The following IL15 variants were observed in gnomAD, a reference collection of about 807,000 sequenced individuals.
The protein encoded by IL15 is interleukin 15, also known as interleukin-15.
Under a neutral mutation model 19.6 loss-of-function variants are expected in IL15, and 11 were observed. The observed-to-expected ratio is 0.56, with a 90% CI of 0.35 to 0.93. IL15 has a LOEUF of 0.93. Among genes scored for constraint, IL15 ranks in the 40% least tolerant of loss-of-function variants. The pLI, the probability that IL15 is intolerant of heterozygous loss-of-function variation, is 0.01. For missense variants in IL15, 197 were observed against 186.5 expected, an observed-to-expected ratio of 1.06 and a Z score of -0.33; for synonymous variants, 58 against 59.6, an observed-to-expected ratio of 0.97 and a Z score of 0.12.
intron 2 of IL15, chr4:141,718,322 A>T (rs954918301): frequency 6.4e-4 from 98 of 151,992 alleles, no homozygotes; most frequent in African/African-American, 2.3e-3. Context: ...ACTAAAAGGG[A>T]TGTAGGGAAT....
chr4:141,677,820 A>T (rs1263689022), intron 2 of IL15, among the ~76,000 whole-genome samples: 1 of 152,220 alleles, frequency 6.6e-6, no homozygotes, highest in Non-Finnish European at 1.5e-5. Context: ...GTTAAGGTTA[A>T]CTATGCCATG....
intron 1 of IL15, chr4:141,637,084 G>C (rs1156444431): frequency 6.6e-6 from 1 of 152,272 alleles, no homozygotes; most frequent in Non-Finnish European, 1.5e-5. Flanking sequence ...AAGGCGGGCC[G>C]GGCACCCCGC....
At chr4:141,688,282 T>C (rs1395346284) in intron 2 of IL15, among the ~76,000 whole-genome samples, 1 of 152,204 alleles carries the variant, frequency 6.6e-6, no homozygotes, top group Non-Finnish European at 1.5e-5. Flanking sequence ...GTATACCTTG[T>C]GTACATAAAC....
At chr4:141,713,703 C>G (rs1391397549) in intron 2 of IL15, among the ~76,000 whole-genome samples, 1 of 152,100 alleles carries the variant, frequency 6.6e-6, no homozygotes, top group Non-Finnish European at 1.5e-5. Context: ...CTGTTTTTCT[C>G]CTTTCACTCA....
chr4:141,649,451 A>G (rs909846527), intron 1 of IL15, among the ~76,000 whole-genome samples: 2 of 151,972 alleles, frequency 1.3e-5, no homozygotes, highest in African/African-American at 4.8e-5. Context: ...CTGGAGCTTG[A>G]ACTCAGGTTT....
chr4:141,639,961 G>A (rs1236052086), intron 1 of IL15, among the ~76,000 whole-genome samples: 2 of 151,924 alleles, frequency 1.3e-5, no homozygotes, highest in African/African-American at 4.8e-5. Context: ...GTCTATATGT[G>A]TGCATATATG....
intron 2 of IL15, among the ~76,000 whole-genome samples, chr4:141,678,525 C>A (rs1728426702): frequency 6.6e-6 from 1 of 151,440 alleles, no homozygotes. Flanking sequence ...TAACTAGGGA[C>A]CCCATGGATT....
At position 141,665,797 on chromosome 4, in the gene IL15, A is replaced by G. The variant is rs1040932306; in HGVS notation, c.-100+9490A>G. 2.6e-5 allele frequency among the ~76,000 whole-genome samples: 4 copies of G among 152,260 alleles called. No homozygotes were observed. In the East Asian group the frequency reaches 7.7e-4, roughly 29 times the overall value. On this transcript the variant is annotated intron_variant, in intron 2 of 7. Coordinates refer to ENST00000320650, the MANE Select transcript of IL15 (RefSeq NM_000585.5). ...CATATTGATGAGACATGGAATGATG[A>G]ATATAAGAGTTGTTGATATTATGAT...
intron 2 of IL15, among the ~76,000 whole-genome samples, chr4:141,700,138 C>T (rs1004656327): frequency 4.6e-5 from 7 of 152,064 alleles, no homozygotes; most frequent in Admixed American, 3.3e-4. Context: ...AGGCCAGTCT[C>T]GAGCTCCTGA....
chr4:141,729,804 T>C lies in IL15; in HGVS notation c.241-43T>C, dbSNP rs560767954. 476 of 1,110,222 alleles carry C rather than the reference T, an allele frequency of 4.3e-4. 2 individuals are homozygous for C. In the Middle Eastern group the frequency reaches 6.3e-3, roughly 15 times the overall value. The allele number at this position is 1,110,222 out of a possible 1,614,324, so 68.8% of individuals were successfully genotyped here. A position where few individuals can be genotyped will look rare whatever the true frequency, so the allele number is the denominator to read the frequency against. On this transcript the variant is annotated intron_variant, in intron 6 of 7. Transcript: ENST00000320650. ...AAAATTACATCAGTATGAAAATTAA[T>C]AATCAGAAAAAAGTAATTGTTCTTT... is the stretch of plus-strand genomic sequence containing the variant.
At chr4:141,640,911 T>C (rs1212397572) in intron 1 of IL15, among the ~76,000 whole-genome samples, 1 of 152,208 alleles carries the variant, frequency 6.6e-6, no homozygotes, top group Admixed American at 6.5e-5. Flanking sequence ...TGAAAATGGT[T>C]GTAGAACAGG....
intron 2 of IL15, among the ~76,000 whole-genome samples, chr4:141,694,664 G>T (rs967808666): frequency 5.5e-4 from 83 of 152,158 alleles, no homozygotes; most frequent in African/African-American, 1.9e-3. Context: ...TTGAGGCCCT[G>T]CAAATCATCA....
intron 2 of IL15, among the ~76,000 whole-genome samples, chr4:141,708,614 A>G (rs1440681536): frequency 2.0e-5 from 3 of 152,112 alleles, no homozygotes; most frequent in Non-Finnish European, 4.4e-5. Flanking sequence ...TTTACCCCAT[A>G]AGAAGAAGTC....
intron 2 of IL15, among the ~76,000 whole-genome samples, chr4:141,666,095 T>TATTTATTTATTTATTC (rs1727966782): frequency 6.7e-6 from 1 of 148,642 alleles, no homozygotes; most frequent in Non-Finnish European, 1.5e-5. Context: ...TTTATTTATT[T>TATTTATTTATTTATTC]ATTTATTTAT....
chr4:141,669,011 T>C (rs370580160), intron 2 of IL15, among the ~76,000 whole-genome samples: 3 of 152,314 alleles, frequency 2.0e-5, no homozygotes, highest in African/African-American at 7.2e-5. Flanking sequence ...ATTTGTCATC[T>C]TAATGGCAAT....
At chr4:141,701,187 T>C (rs1423352754) in intron 2 of IL15, among the ~76,000 whole-genome samples, 1 of 152,148 alleles carries the variant, frequency 6.6e-6, no homozygotes, top group Non-Finnish European at 1.5e-5. Flanking sequence ...TATAGAACCT[T>C]GTTTTGTCAT....
chr4:141,662,647 G>T (rs1183803558), intron 2 of IL15, among the ~76,000 whole-genome samples: 2 of 152,056 alleles, frequency 1.3e-5, no homozygotes, highest in African/African-American at 2.4e-5. Flanking sequence ...GTCTTTTACG[G>T]AGTATTTAGT....
chr4:141,704,352 T>A (rs1263527599), intron 2 of IL15, among the ~76,000 whole-genome samples: 3 of 152,178 alleles, frequency 2.0e-5, no homozygotes, highest in African/African-American at 7.2e-5. Context: ...ATTGATTAGC[T>A]TGTTATACCA....
chr4:141,642,271 A>G (rs1253524346), intron 1 of IL15, among the ~76,000 whole-genome samples: 1 of 152,174 alleles, frequency 6.6e-6, no homozygotes, highest in Non-Finnish European at 1.5e-5. Context: ...AGAACTTGCC[A>G]GAAATCTGCC....
Sources: gnomAD v4.1 joint callset for allele counts (sites outside exome capture counted in the v4.1 genomes callset) on GRCh38, gnomAD v4.1.1 for gene constraint, MANE v1.5 for transcripts, NCBI Gene and HGNC (gene_info 2026-07-23, HGNC 2026-07-21) for gene names.